EIF2AK2: variants seen among roughly 807,000 people sequenced by gnomAD.
EIF2AK2 encodes the protein interferon-induced, double-stranded RNA-activated protein kinase.
A neutral mutation model predicts 70.5 loss-of-function variants in EIF2AK2; 40 were observed. The ratio of observed to expected loss-of-function variants is 0.57; its 90% CI spans 0.44 to 0.74. The LOEUF (loss-of-function observed/expected upper bound fraction) is 0.74. Ranked by LOEUF, EIF2AK2 falls within the 30% of genes least tolerant of loss-of-function variation. The pLI is 0.00. For synonymous variants in EIF2AK2, 198 were observed against 220.9 expected, an observed-to-expected ratio of 0.90 and a Z score of 0.92; for missense variants, 555 against 644.3, an observed-to-expected ratio of 0.86 and a Z score of 1.50.
intron 1 of EIF2AK2, among the ~76,000 whole-genome samples, chr2:37,150,624 G>C (rs1675709729): frequency 6.6e-6 from 1 of 152,004 alleles, no homozygotes; most frequent in African/African-American, 2.4e-5. Context: ...CTTGCTTCAG[G>C]GAAAACTGAT....
rs4648200 is a variant in EIF2AK2 at position 37,136,456 on chromosome 2, C to T, written c.722+527G>A. ...CACCTCATGTGCAGAACTCTCTTCT[C>T]TCCATCCAAGCATCCACATCAAGAA... On this transcript the variant is annotated intron_variant, in intron 9 of 16. Coordinates refer to ENST00000233057, the MANE Select transcript of EIF2AK2 (RefSeq NM_001135651.3). Among the ~76,000 whole-genome samples the T allele has an allele frequency of 6.6e-4, 101 of 152,316 alleles. 1 individual carries two copies. The East Asian group carries it at 0.019, about 28-fold the overall frequency.
intron 1 of EIF2AK2, among the ~76,000 whole-genome samples, chr2:37,156,151 G>A (rs1675916260): frequency 6.6e-6 from 1 of 152,096 alleles, no homozygotes; most frequent in Non-Finnish European, 1.5e-5. Context: ...TGGGGAAGAA[G>A]CTTTCCAGAA....
chr2:37,109,009 G>T (rs1036348178), intron 15 of EIF2AK2, among the ~76,000 whole-genome samples, 185 bp downstream of exon 15: 8 of 152,132 alleles, frequency 5.3e-5, no homozygotes, highest in African/African-American at 1.9e-4. Flanking sequence ...AAAGTTTTTG[G>T]TCTTTAAGAA....
At chr2:37,126,967 G>GAAAAAAAAAAAAAAAAAAAAA (rs57802509) in intron 10 of EIF2AK2, among the ~76,000 whole-genome samples, 1 of 52,168 alleles carries the variant, frequency 1.9e-5, no homozygotes, top group Non-Finnish European at 3.4e-5. Context: ...CAAAAAAACA[G>GAAAAAAAAAAAAAAAAAAAAA]AAAAAAAAAA....
intron 10 of EIF2AK2, among the ~76,000 whole-genome samples, chr2:37,129,054 C>G (rs1293796891): frequency 2.6e-5 from 4 of 152,162 alleles, no homozygotes; most frequent in Middle Eastern, 6.8e-3. Context: ...TCCCAATCCA[C>G]CCCAGATATT....
At chr2:37,146,366 G>A (rs1675539371) in intron 4 of EIF2AK2, among the ~76,000 whole-genome samples, 1 of 152,198 alleles carries the variant, frequency 6.6e-6, no homozygotes, top group South Asian at 2.1e-4. Flanking sequence ...TAGGTTATAT[G>A]TAAATACTAT....
chr2:37,122,319 C>A (rs532326441), intron 12 of EIF2AK2, among the ~76,000 whole-genome samples, 187 bp downstream of exon 12: 2 of 152,226 alleles, frequency 1.3e-5, no homozygotes, highest in African/African-American at 2.4e-5. Flanking sequence ...AAGTCTGCAG[C>A]AAGAGGAGGA....
At chr2:37,111,929 C>G (rs1381451874) in intron 14 of EIF2AK2, among the ~76,000 whole-genome samples, 1 of 134,432 alleles carries the variant, frequency 7.4e-6, no homozygotes, top group African/African-American at 2.8e-5. Context: ...AAATCTCTCT[C>G]TCTCTCTCTC....
intron 14 of EIF2AK2, chr2:37,109,509 T>A: frequency 2.0e-6 from 1 of 488,574 alleles, no homozygotes; most frequent in Non-Finnish European, 3.7e-6. Flanking sequence ...ATGGGAATAA[T>A]CTCAGTTATA....
rs544248608 is a variant in EIF2AK2, at chr2:37,104,509, G to A, written c.*2764C>T. 1 of 152,004 alleles carries A rather than the reference G, an allele frequency of 6.6e-6. No homozygotes were observed. The highest frequency in any genetic ancestry group is 1.5e-5 in the Non-Finnish European group (1 of 68,044). 9.4% of individuals were successfully genotyped at this position (152,004 alleles called of 1,614,324 possible). The stretch of plus-strand genomic sequence containing the variant: ...TAATTTTCTGATTTTTTGTAGAGAT[G>A]AGAACTCACTGTGTTGCCCAGGCTA... On this transcript the variant is annotated 3_prime_UTR_variant, in exon 17 of 17. Coordinates refer to ENST00000233057, the MANE Select transcript of EIF2AK2 (RefSeq NM_001135651.3).
chr2:37,137,232 A>T (rs1024119603), intron 8 of EIF2AK2, among the ~76,000 whole-genome samples: 2 of 152,174 alleles, frequency 1.3e-5, no homozygotes, highest in African/African-American at 2.4e-5. Flanking sequence ...AATTGTTTTG[A>T]TTTAAATTTT....
At chr2:37,137,088 C>T in intron 8 of EIF2AK2, 71 bp from the exon 9 acceptor site, 2 of 1,367,560 alleles carry the variant, frequency 1.5e-6, no homozygotes, top group South Asian at 1.4e-5. Context: ...GTTTTCCTTC[C>T]TCCTGTATAT....
At chr2:37,152,043 G>A (rs952682880) in intron 1 of EIF2AK2, among the ~76,000 whole-genome samples, 1 of 152,228 alleles carries the variant, frequency 6.6e-6, no homozygotes, top group African/African-American at 2.4e-5. Context: ...TCCAGCCTGC[G>A]CGACAGAGCG....
intron 10 of EIF2AK2, among the ~76,000 whole-genome samples, chr2:37,129,382 C>G (rs1016452561): frequency 6.6e-6 from 1 of 152,104 alleles, no homozygotes. Context: ...TTTGGGGACA[C>G]TGGACGATGG....
intron 10 of EIF2AK2, among the ~76,000 whole-genome samples, chr2:37,130,609 G>T (rs958910758): frequency 6.6e-6 from 1 of 152,150 alleles, no homozygotes. Flanking sequence ...AGACCTCAAA[G>T]ATGCCTTTTA....
chr2:37,114,754 A>C lies in EIF2AK2; in HGVS notation c.1354T>G (p.Leu452Val). The change falls in exon 14 of 17, where the codon TTG (leucine) becomes GTG (valine). Residue 452 changes from leucine to valine, a missense_variant. Around this residue, in one of 3 missense-constraint regions of EIF2AK2, gnomAD observed 299 missense variants for 375.4 expected, o/e 0.80. Coordinates refer to ENST00000233057, the MANE Select transcript of EIF2AK2 (RefSeq NM_001135651.3). ...DGKRTRSKGT[L>V]RYMSPEQISS... Reference sequence around the variant, plus strand: ...ACCTGTTCTGGGCTCATGTATCGCAAAGTTCCCTTACTCCTTGTTCGCTTT... The same window carrying C: ...ACCTGTTCTGGGCTCATGTATCGCACAGTTCCCTTACTCCTTGTTCGCTTT... The C allele has an allele frequency of 1.3e-6, 2 of 1,596,336 alleles. No homozygotes were observed. Among genetic ancestry groups the C allele is most frequent in the Non-Finnish European group, 1.7e-6 (2 of 1,172,724 alleles).
intron 2 of EIF2AK2, 62 bp from the exon 3 acceptor site, chr2:37,147,884 C>A: frequency 8.2e-7 from 1 of 1,223,474 alleles, no homozygotes; most frequent in South Asian, 1.3e-5. Flanking sequence ...CTGAGTTTCC[C>A]AATGCAGTTT....
In EIF2AK2 at chr2:37,120,164, T is replaced by C. The variant is rs770421939; in HGVS notation, c.1068-25A>G. The C allele has an allele frequency of 2.3e-6, 3 of 1,319,876 alleles. No individual in the cohort carries two copies. In the South Asian group the frequency reaches 7.3e-5, roughly 32 times the overall value. 81.8% of individuals were successfully genotyped at this position (1,319,876 alleles called of 1,614,324 possible). On this transcript the variant is annotated intron_variant, in intron 12 of 16. Transcript: ENST00000233057. ...CCTGGGTATAAAATTCACAGTATGTTAAAAGTAACAATAAATATAAATTTA... is the reference window on the plus strand; with the variant it reads ...CCTGGGTATAAAATTCACAGTATGTCAAAAGTAACAATAAATATAAATTTA...
At chr2:37,153,483 G>C (rs1558434193) in intron 1 of EIF2AK2, among the ~76,000 whole-genome samples, 1 of 151,828 alleles carries the variant, frequency 6.6e-6, no homozygotes, top group Non-Finnish European at 1.5e-5. Context: ...GGGACCATAG[G>C]CGTGGGCATG....
Sources: gnomAD v4.1 joint callset for allele counts (sites outside exome capture counted in the v4.1 genomes callset) on GRCh38, gnomAD v4.1.1 for gene constraint, gnomAD v4.1.1 regional missense constraint, MANE v1.5 for transcripts, NCBI Gene and HGNC (gene_info 2026-07-23, HGNC 2026-07-21) for gene names.